ITPK1: variants seen among roughly 807,000 people sequenced by gnomAD.
ITPK1 encodes the protein inositol-tetrakisphosphate 1-kinase.
ITPK1 carries 21 observed loss-of-function variants against 45.3 expected under a neutral mutation model. The observed-to-expected ratio is 0.46, with a 90% CI of 0.33 to 0.67. The LOEUF is 0.67. ITPK1 is among the 30% of genes least tolerant of loss of function. The pLI is 0.02. For synonymous variants in ITPK1, 258 were observed against 253.6 expected, an observed-to-expected ratio of 1.02 and a Z score of -0.16; for missense variants, 474 against 573.5, an observed-to-expected ratio of 0.83 and a Z score of 1.77.
chr14:93,056,536 C>G (rs1053311387), intron 3 of ITPK1, among the ~76,000 whole-genome samples: 2 of 152,178 alleles, frequency 1.3e-5, no homozygotes, highest in African/African-American at 4.8e-5. Flanking sequence ...CAGTGCACCC[C>G]CAAGGGAAGA....
chr14:93,028,768 C>T (rs1201326945), intron 3 of ITPK1, among the ~76,000 whole-genome samples: 2 of 152,332 alleles, frequency 1.3e-5, no homozygotes, highest in African/African-American at 4.8e-5. Context: ...AAACAGTAAC[C>T]GCCTTCAGGT....
chr14:93,067,521 C>T (rs1026053847), intron 3 of ITPK1: 8 of 151,994 alleles, frequency 5.3e-5, no homozygotes, highest in African/African-American at 1.9e-4. Flanking sequence ...GGAAGCTGCA[C>T]AAGACTGCAA....
chr14:93,030,390 G>T (rs1161701458), intron 3 of ITPK1, among the ~76,000 whole-genome samples: 1 of 152,236 alleles, frequency 6.6e-6, no homozygotes, highest in Non-Finnish European at 1.5e-5. Flanking sequence ...TTGTGTGAGT[G>T]ATGCATGGGA....
chr14:92,962,778 C>T lies in ITPK1; in HGVS notation c.436G>A (p.Glu146Lys), dbSNP rs1351651110. 1.2e-6 allele frequency: 2 copies of T among 1,613,836 alleles called. No individual in the cohort carries two copies. The highest frequency in any genetic ancestry group is 1.7e-6 in the Non-Finnish European group (2 of 1,179,860). ...AATGGGAAAGTCAAGCCGTTCTTCT[C>T]CAGCAGCCGCATGGTGTCATCCCCG... ...LCGDDTMRLL[E>K]KNGLTFPFIC... The change falls in exon 6 of 11, where the codon GAG (glutamate) becomes AAG (lysine). Residue 146 changes from glutamate (E) to lysine (K), a missense_variant. By Grantham distance (56) the Glu-to-Lys change is moderately conservative. Coordinates refer to ENST00000267615, the MANE Select transcript of ITPK1 (RefSeq NM_014216.6).
intron 5 of ITPK1, among the ~76,000 whole-genome samples, chr14:92,983,391 A>G (rs929148109): frequency 2.0e-5 from 3 of 152,220 alleles, no homozygotes; most frequent in Non-Finnish European, 2.9e-5. Context: ...AAAGCAAAAC[A>G]TCTTAGCTTG....
At chr14:93,056,306 T>C (rs1395712009) in intron 3 of ITPK1, among the ~76,000 whole-genome samples, 1 of 152,144 alleles carries the variant, frequency 6.6e-6, no homozygotes, top group East Asian at 1.9e-4. Context: ...GGCCAAGGCC[T>C]CTGGGGTCAC....
At position 92,986,723 on chromosome 14, in the gene ITPK1, T is replaced by C. The variant is rs139578300; in HGVS notation, c.364+7157A>G. Among the ~76,000 whole-genome samples, 1,462 of 152,250 alleles carry C rather than the reference T, an allele frequency of 9.6e-3. 18 individuals are homozygous for C. The highest frequency in any genetic ancestry group is 0.033 in the African/African-American group (1,373 of 41,544). On this transcript the variant is annotated intron_variant, in intron 5 of 10. Coordinates refer to ENST00000267615, the MANE Select transcript of ITPK1 (RefSeq NM_014216.6). ...CTTGTTTTGCTGGGGAGCGGGTCCCTGCCATGGTCTTAAAGGCTCAGCAAG... is the reference window on the plus strand; with the variant it reads ...CTTGTTTTGCTGGGGAGCGGGTCCCCGCCATGGTCTTAAAGGCTCAGCAAG...
At chr14:92,946,888 G>A (rs1417887862) in intron 9 of ITPK1, among the ~76,000 whole-genome samples, 1 of 152,272 alleles carries the variant, frequency 6.6e-6, no homozygotes, top group African/African-American at 2.4e-5. Flanking sequence ...GAAGGAGATG[G>A]AGAGTGTGTC....
intron 2 of ITPK1, among the ~76,000 whole-genome samples, chr14:93,094,923 G>A (rs1369272271): frequency 1.3e-5 from 2 of 152,204 alleles, no homozygotes; most frequent in African/African-American, 4.8e-5. Flanking sequence ...AGGCTTGCCC[G>A]CTTTCTCCAC....
intron 4 of ITPK1, among the ~76,000 whole-genome samples, chr14:93,000,304 G>A (rs1887273341): frequency 6.6e-6 from 1 of 152,150 alleles, no homozygotes; most frequent in Non-Finnish European, 1.5e-5. Flanking sequence ...TGGCTCCTCA[G>A]GCATGGATGT....
intron 2 of ITPK1, among the ~76,000 whole-genome samples, chr14:93,094,663 G>C (rs934074381): frequency 1.8e-4 from 27 of 152,204 alleles, no homozygotes; most frequent in Admixed American, 2.0e-4. Flanking sequence ...AAGCCGGTGA[G>C]CCCACCGGCT....
At chr14:92,960,419 C>G (rs1279103197) in intron 7 of ITPK1, among the ~76,000 whole-genome samples, 1 of 152,204 alleles carries the variant, frequency 6.6e-6, no homozygotes, top group Non-Finnish European at 1.5e-5. Context: ...TCCACCCAGG[C>G]AACCCTGGCA....
chr14:93,031,260 G>A (rs1045807904), intron 3 of ITPK1, among the ~76,000 whole-genome samples: 3 of 152,110 alleles, frequency 2.0e-5, no homozygotes, highest in African/African-American at 4.8e-5. Flanking sequence ...GGAGGCCAGC[G>A]TGGGTGCAGG....
intron 2 of ITPK1, among the ~76,000 whole-genome samples, chr14:93,079,702 G>A (rs1343737774): frequency 6.6e-6 from 1 of 152,240 alleles, no homozygotes; most frequent in East Asian, 1.9e-4. Flanking sequence ...CTCGTGCAGA[G>A]CAAAGGCACC....
At chr14:93,008,729 C>A (rs1175254453) in intron 4 of ITPK1, among the ~76,000 whole-genome samples, 1 of 152,230 alleles carries the variant, frequency 6.6e-6, no homozygotes, top group Non-Finnish European at 1.5e-5. Context: ...ATCACGGGCA[C>A]ACAGCCTGCA....
At chr14:93,055,912 G>A (rs1890198673) in intron 3 of ITPK1, among the ~76,000 whole-genome samples, 1 of 152,236 alleles carries the variant, frequency 6.6e-6, no homozygotes, top group South Asian at 2.1e-4. Context: ...TGAGCACCCA[G>A]CAGACGGGAG....
intron 10 of ITPK1, among the ~76,000 whole-genome samples, chr14:92,945,267 G>A (rs1887628772): frequency 6.6e-6 from 1 of 152,262 alleles, no homozygotes; most frequent in African/African-American, 2.4e-5. Flanking sequence ...TCTGAGCCTT[G>A]GCTTCCTTGC....
chr14:93,029,085 A>G (rs1218418414), intron 3 of ITPK1, among the ~76,000 whole-genome samples: 1 of 152,162 alleles, frequency 6.6e-6, no homozygotes, highest in Non-Finnish European at 1.5e-5. Flanking sequence ...AGCTGGAGGG[A>G]TTCATGCCAT....
chr14:93,093,945 G>A (rs888513146), intron 2 of ITPK1, among the ~76,000 whole-genome samples: 3 of 152,208 alleles, frequency 2.0e-5, no homozygotes, highest in African/African-American at 2.4e-5. Flanking sequence ...TGTGCAACCC[G>A]GCCTCAAAGG....
Sources: gnomAD v4.1 joint callset for allele counts (sites outside exome capture counted in the v4.1 genomes callset) on GRCh38, gnomAD v4.1.1 for gene constraint, MANE v1.5 for transcripts, NCBI Gene and HGNC (gene_info 2026-07-23, HGNC 2026-07-21) for gene names.